RALYL: variants seen among roughly 807,000 people sequenced by gnomAD.
RALYL encodes the protein RALY RNA binding protein like.
Under a neutral mutation model 35.1 loss-of-function variants are expected in RALYL, and 29 were observed. The ratio of observed to expected loss-of-function variants is 0.83; its 90% CI spans 0.61 to 1.13. RALYL has a LOEUF of 1.13. Among genes scored for constraint, RALYL ranks in the 50% most tolerant of loss-of-function variants. The pLI, the probability that RALYL is intolerant of heterozygous loss-of-function variation, is 0.00. For synonymous variants in RALYL, 120 were observed against 127.6 expected (o/e 0.94, Z 0.40); for missense variants, 359 against 360.4 (o/e 1.00, Z 0.03).
chr8:84,857,020 G>T (rs1338165519), intron 5 of RALYL, among the ~76,000 whole-genome samples: 5 of 131,624 alleles, frequency 3.8e-5, no homozygotes, highest in Non-Finnish European at 7.8e-5. Flanking sequence ...GGGCGACAGA[G>T]CGAGACTCCG....
chr8:84,460,826 C>A (rs2050685384), intron 1 of RALYL, among the ~76,000 whole-genome samples: 1 of 151,044 alleles, frequency 6.6e-6, no homozygotes, highest in Non-Finnish European at 1.5e-5. Flanking sequence ...ATAGATATAA[C>A]AAATATAAGC....
At chr8:84,338,309 A>AAATTTTTTTTTTTTTT in intron 1 of RALYL, among the ~76,000 whole-genome samples, 1 of 151,986 alleles carries the variant, frequency 6.6e-6, no homozygotes, top group South Asian at 2.1e-4. Context: ...AATATATTGT[A>AAATTTTTTTTTTTTTT]TTGTTTTTAC....
chr8:84,842,840 G>A (rs1160979377), intron 4 of RALYL, among the ~76,000 whole-genome samples: 1 of 152,078 alleles, frequency 6.6e-6, no homozygotes, highest in Admixed American at 6.6e-5. Flanking sequence ...ACGTTATCCA[G>A]CATATAAACA....
intron 1 of RALYL, among the ~76,000 whole-genome samples, chr8:84,508,579 A>G (rs1384768349): frequency 6.6e-6 from 1 of 152,132 alleles, no homozygotes; most frequent in Non-Finnish European, 1.5e-5. Context: ...AAGGATCTGT[A>G]GTGTGGCATA....
At chr8:84,613,100 A>C (rs1191055117) in intron 2 of RALYL, among the ~76,000 whole-genome samples, 1 of 151,628 alleles carries the variant, frequency 6.6e-6, no homozygotes, top group African/African-American at 2.4e-5. Context: ...CAAATACTAG[A>C]AAAAATAAAA....
chr8:84,693,930 A>T (rs973062040), intron 2 of RALYL, among the ~76,000 whole-genome samples: 1 of 151,934 alleles, frequency 6.6e-6, no homozygotes, highest in Non-Finnish European at 1.5e-5. Flanking sequence ...CATGATTAAA[A>T]AAAAGCTCTC....
intron 2 of RALYL, among the ~76,000 whole-genome samples, chr8:84,560,984 G>A (rs1001834987): frequency 2.6e-5 from 4 of 151,924 alleles, no homozygotes; most frequent in African/African-American, 7.2e-5. Flanking sequence ...TTGAATTTAG[G>A]GAACCACTGA....
intron 4 of RALYL, among the ~76,000 whole-genome samples, chr8:84,807,418 G>A (rs958190395): frequency 1.2e-4 from 19 of 152,156 alleles, no homozygotes; most frequent in Admixed American, 3.9e-4. Flanking sequence ...CTCTTTGATT[G>A]TTGGGCATTT....
chr8:84,541,411 C>T (rs2060010492), intron 2 of RALYL, among the ~76,000 whole-genome samples: 2 of 151,768 alleles, frequency 1.3e-5, no homozygotes, highest in Non-Finnish European at 2.9e-5. Flanking sequence ...TTGATTTTAG[C>T]TTAATTTCAC....
chr8:84,811,564 T>C (rs984427273), intron 4 of RALYL, among the ~76,000 whole-genome samples: 1 of 152,204 alleles, frequency 6.6e-6, no homozygotes, highest in Non-Finnish European at 1.5e-5. Context: ...TCTAGTTCTC[T>C]AGCAAGGCCA....
intron 2 of RALYL, among the ~76,000 whole-genome samples, chr8:84,734,838 A>G (rs776075264): frequency 3.9e-5 from 6 of 152,130 alleles, no homozygotes; most frequent in Non-Finnish European, 7.3e-5. Flanking sequence ...AAGGTGCACC[A>G]AAGTACCTAG....
At chr8:84,490,269 T>C (rs1356683353) in intron 1 of RALYL, among the ~76,000 whole-genome samples, 2 of 151,986 alleles carry the variant, frequency 1.3e-5, no homozygotes, top group Non-Finnish European at 2.9e-5. Flanking sequence ...TACCATCTCT[T>C]CTGCTTACTG....
intron 2 of RALYL, among the ~76,000 whole-genome samples, chr8:84,688,634 A>G (rs1837339801): frequency 1.3e-5 from 2 of 152,120 alleles, no homozygotes; most frequent in South Asian, 4.1e-4. Context: ...AGAAAAAAAC[A>G]TAGGGAAAAA....
At chr8:84,793,109 T>A (rs1019348611) in intron 3 of RALYL, among the ~76,000 whole-genome samples, 1 of 152,216 alleles carries the variant, frequency 6.6e-6, no homozygotes, top group African/African-American at 2.4e-5. Flanking sequence ...GAATATCTAA[T>A]CTGGAGTTCA....
rs571106662 is a variant in RALYL, at chr8:84,555,013, G to T, written c.256+25436G>T. Reference sequence around the variant, plus strand: ...TAAAATATGTTGGCCTGGCACAGTGGCTCACGCCTGTAATCCCAGCACTTT... The same window carrying T: ...TAAAATATGTTGGCCTGGCACAGTGTCTCACGCCTGTAATCCCAGCACTTT... On this transcript the variant is annotated intron_variant, in intron 2 of 8. Transcript: ENST00000521268. Among the ~76,000 whole-genome samples the T allele has an allele frequency of 3.3e-5, 5 of 152,244 alleles. No homozygotes were observed. In the South Asian group the frequency reaches 1.0e-3, roughly 32 times the overall value.
intron 1 of RALYL, among the ~76,000 whole-genome samples, chr8:84,504,446 A>G (rs551726885): frequency 4.6e-5 from 7 of 152,144 alleles, no homozygotes; most frequent in Non-Finnish European, 8.8e-5. Flanking sequence ...GACTGTGCAT[A>G]TAACTTTACC....
At chr8:84,458,172 C>T (rs2050348933) in intron 1 of RALYL, among the ~76,000 whole-genome samples, 1 of 151,792 alleles carries the variant, frequency 6.6e-6, no homozygotes, top group Non-Finnish European at 1.5e-5. Context: ...AAATAATCAA[C>T]TTCATCTGTA....
At chr8:84,478,533 T>C (rs978894406) in intron 1 of RALYL, among the ~76,000 whole-genome samples, 2 of 152,162 alleles carry the variant, frequency 1.3e-5, no homozygotes, top group Admixed American at 1.3e-4. Context: ...TCTCTACATA[T>C]CAGATCATAT....
intron 2 of RALYL, among the ~76,000 whole-genome samples, chr8:84,629,643 G>T (rs1823496473): frequency 6.6e-6 from 1 of 151,958 alleles, no homozygotes; most frequent in Non-Finnish European, 1.5e-5. Context: ...TGACAGAACA[G>T]TCTGTGTAAT....
Sources: allele counts gnomAD v4.1 joint callset (sites outside exome capture counted in the v4.1 genomes callset), GRCh38; gene constraint gnomAD v4.1.1; transcripts MANE v1.5; gene names NCBI Gene and HGNC (gene_info 2026-07-23, HGNC 2026-07-21).